The following SAMSN1 variants were observed in gnomAD, a reference collection of about 807,000 sequenced individuals.
The protein encoded by SAMSN1 is SAM domain, SH3 domain and nuclear localization signals 1.
A neutral mutation model predicts 42.0 loss-of-function variants in SAMSN1; 31 were observed. The observed-to-expected ratio is 0.74, with a 90% CI of 0.55 to 1.00. SAMSN1 has a LOEUF of 1.00. Among genes scored for constraint, SAMSN1 ranks in the 50% least tolerant of loss-of-function variants. The pLI, the probability that SAMSN1 is intolerant of heterozygous loss-of-function variation, is 0.00. For synonymous variants in SAMSN1, 178 were observed against 151.9 expected (o/e 1.17, Z -1.26); for missense variants, 464 against 439.4 (o/e 1.06, Z -0.50).
At chr21:14,587,423 C>G (rs1347444115), upstream of SAMSN1, among the ~76,000 whole-genome samples, 1 of 152,134 alleles carries the variant, frequency 6.6e-6, no homozygotes, top group Non-Finnish European at 1.5e-5. Context: ...GAAACACTCT[C>G]TTTTCTTGGC....
chr21:14,577,625 C>T (rs1981549957), intron 2 of SAMSN1, among the ~76,000 whole-genome samples: 1 of 152,008 alleles, frequency 6.6e-6, no homozygotes, highest in Non-Finnish European at 1.5e-5. Flanking sequence ...ATGCTCTTAG[C>T]TTACAGAGCT....
chr21:14,633,200 C>T (rs780983248), intron 2 of SAMSN1, among the ~76,000 whole-genome samples: 1 of 152,094 alleles, frequency 6.6e-6, no homozygotes, highest in Non-Finnish European at 1.5e-5. Flanking sequence ...TCTCTCTACA[C>T]ACACACACAT....
intron 6 of SAMSN1, among the ~76,000 whole-genome samples, chr21:14,597,666 C>G (rs62227224): frequency 0.019 from 2,964 of 152,276 alleles, 45 homozygotes; most frequent in Middle Eastern, 0.058. Flanking sequence ...GTGGCTTAAA[C>G]AAGTATGGGG....
upstream of SAMSN1, among the ~76,000 whole-genome samples, chr21:14,659,235 C>T (rs529392546): frequency 2.0e-5 from 3 of 152,096 alleles, no homozygotes; most frequent in Admixed American, 2.0e-4. Context: ...TGATTCGCTA[C>T]ATGACAAGAT....
chr21:14,556,494 C>T (rs950233666), intron 2 of SAMSN1, among the ~76,000 whole-genome samples: 1 of 152,138 alleles, frequency 6.6e-6, no homozygotes, highest in Non-Finnish European at 1.5e-5. Flanking sequence ...TGTGTATATG[C>T]ATGCGTGTGT....
intron 6 of SAMSN1, among the ~76,000 whole-genome samples, chr21:14,600,018 C>A (rs988146680): frequency 1.3e-5 from 2 of 152,110 alleles, no homozygotes; most frequent in Non-Finnish European, 2.9e-5. Flanking sequence ...TCATGACGAT[C>A]CAGGTGAACA....
chr21:14,606,301 C>T (rs770161694), intron 5 of SAMSN1, among the ~76,000 whole-genome samples: 1 of 152,128 alleles, frequency 6.6e-6, no homozygotes, highest in Admixed American at 6.5e-5. Context: ...GTCACAGTTA[C>T]ACTGATTGAT....
chr21:14,545,851 A>C (rs1980357194), intron 1 of SAMSN1, among the ~76,000 whole-genome samples: 1 of 152,222 alleles, frequency 6.6e-6, no homozygotes, highest in Non-Finnish European at 1.5e-5. Flanking sequence ...TAGACTGTTC[A>C]ATAGACGTTG....
rs1031204399 is a variant in SAMSN1 at position 14,629,746 on chromosome 21, C to T, written c.156+13256G>A. On this transcript the variant is annotated intron_variant, in intron 2 of 15. Coordinates refer to the SAMSN1 transcript ENST00000647101. ...ACTTTGCCATTTGTCTACTAGTGTG[C>T]GAAGAGAGCTTTATATCAATCCTAA... Among the ~76,000 whole-genome samples the T allele has an allele frequency of 2.6e-5, 4 of 152,030 alleles. No homozygotes were observed. The South Asian group carries it at 6.2e-4, about 24-fold the overall frequency.
At chr21:14,590,522 A>T (rs182666939) in intron 7 of SAMSN1, among the ~76,000 whole-genome samples, 13 of 152,142 alleles carry the variant, frequency 8.5e-5, no homozygotes, top group Non-Finnish European at 2.9e-5. Flanking sequence ...GCTTTAACCA[A>T]TCCTCCTGCT....
chr21:14,512,420 T>C lies in SAMSN1; in HGVS notation c.409+24A>G, dbSNP rs755932583. 30 of 1,612,130 alleles carry C rather than the reference T, an allele frequency of 1.9e-5. No individual in the cohort carries two copies. The South Asian group carries it at 3.0e-4, about 16-fold the overall frequency. On this transcript the variant is annotated intron_variant, in intron 4 of 7. Coordinates refer to ENST00000400566, the MANE Select transcript of SAMSN1 (RefSeq NM_022136.5). ...TAACCCAGACCTCACACCCAGGATC[T>C]TGTCCCTGATTCATTAGCCTTACTT...
intron 2 of SAMSN1, among the ~76,000 whole-genome samples, chr21:14,634,999 C>T (rs1983429895): frequency 1.3e-5 from 2 of 152,018 alleles, no homozygotes; most frequent in African/African-American, 2.4e-5. Context: ...TACTATGTGG[C>T]CATAAAGAGG....
intron 2 of SAMSN1, among the ~76,000 whole-genome samples, chr21:14,561,746 T>C (rs1435620257): frequency 6.6e-6 from 1 of 152,152 alleles, no homozygotes; most frequent in African/African-American, 2.4e-5. Flanking sequence ...CTTAATCCAA[T>C]AAAACCAGTG....
chr21:14,567,600 C>A (rs1186083584), intron 2 of SAMSN1, among the ~76,000 whole-genome samples: 2 of 152,138 alleles, frequency 1.3e-5, no homozygotes, highest in African/African-American at 4.8e-5. Context: ...AGGCTCTGTA[C>A]ACTCTTCCAG....
intron 2 of SAMSN1, among the ~76,000 whole-genome samples, chr21:14,573,599 C>T (rs891186637): frequency 9.9e-5 from 15 of 152,240 alleles, no homozygotes; most frequent in Non-Finnish European, 7.4e-5. Context: ...TGTAGAAATA[C>T]GGCCAACAGG....
At chr21:14,529,965 C>T (rs2822752) in intron 1 of SAMSN1, among the ~76,000 whole-genome samples, 1 of 151,962 alleles carries the variant, frequency 6.6e-6, no homozygotes, top group Non-Finnish European at 1.5e-5. Flanking sequence ...ATTCACTTAA[C>T]CATTTTCAAA....
upstream of SAMSN1, among the ~76,000 whole-genome samples, chr21:14,585,021 A>G (rs1240033845): frequency 5.8e-5 from 3 of 52,116 alleles, no homozygotes; most frequent in African/African-American, 2.1e-4. Context: ...CGTTTTTGTC[A>G]GAGGAACCCT....
chr21:14,548,323 A>C (rs538745844), upstream of SAMSN1, among the ~76,000 whole-genome samples: 7 of 152,296 alleles, frequency 4.6e-5, no homozygotes, highest in South Asian at 1.4e-3. Context: ...ATGTCAAAAA[A>C]TGTTTGTGAA....
intron 4 of SAMSN1, among the ~76,000 whole-genome samples, chr21:14,609,965 A>C (rs1286157275): frequency 6.6e-6 from 1 of 152,122 alleles, no homozygotes; most frequent in Non-Finnish European, 1.5e-5. Context: ...TGTCATCTTC[A>C]TAAGGTGAGG....
Sources: gnomAD v4.1 joint callset for allele counts (sites outside exome capture counted in the v4.1 genomes callset) on GRCh38, gnomAD v4.1.1 for gene constraint, MANE v1.5 for transcripts, NCBI Gene and HGNC (gene_info 2026-07-23, HGNC 2026-07-21) for gene names.